The following KHSRP variants were observed in gnomAD, a reference collection of about 807,000 sequenced individuals.
KHSRP encodes the protein KH-type splicing regulatory protein.
Under a neutral mutation model 94.9 loss-of-function variants are expected in KHSRP, and 13 were observed. That is an observed-to-expected ratio of 0.14 (90% CI 0.09 to 0.22). The LOEUF is 0.22. Among genes scored for constraint, KHSRP ranks in the 10% least tolerant of loss-of-function variants. The pLI is 1.00. For synonymous variants in KHSRP, 495 were observed against 401.4 expected, an observed-to-expected ratio of 1.23 and a Z score of -2.79; for missense variants, 710 against 1,010.0, an observed-to-expected ratio of 0.70 and a Z score of 4.03.
rs1337472129 is a variant in KHSRP, at chr19:6,415,051, G to A, written c.2217C>T (p.Asn739=). The A allele has an allele frequency of 6.4e-7, 1 of 1,550,534 alleles. No homozygotes were observed. Among genetic ancestry groups the A allele is most frequent in the Non-Finnish European group, 8.6e-7 (1 of 1,157,174 alleles). ...VHPALVGSAG[N]PFPCGVCP is the part of the protein sequence containing the mutation. Reference sequence around the variant, plus strand: ...AAGGGCACACCCCGCAGGGGAAGGGGTTTCCGGCGCTACCCACTAAGGCAG... The same window carrying A: ...AAGGGCACACCCCGCAGGGGAAGGGATTTCCGGCGCTACCCACTAAGGCAG... Residue 739 remains asparagine, a synonymous_variant, in exon 19 of 19, where the codon AAC becomes AAT. Coordinates refer to ENST00000600480, the MANE Select transcript of KHSRP (RefSeq NM_001366299.1).
intron 4 of KHSRP, chr19:6,420,973 T>G: frequency 2.3e-6 from 1 of 441,992 alleles, no homozygotes; most frequent in Non-Finnish European, 4.1e-6. Context: ...TCCTAGCCTC[T>G]TCCAGGAAGA....
At chr19:6,417,131 G>A (rs780749158) in intron 11 of KHSRP, 44 bp from the exon 12 acceptor site, 7 of 1,511,354 alleles carry the variant, frequency 4.6e-6, no homozygotes, top group South Asian at 1.2e-5. Flanking sequence ...TTTAAAAGAA[G>A]AGCCCACCCC....
At position 6,414,721 on chromosome 19, in the gene KHSRP, A is replaced by G. The variant is rs1040101056; in HGVS notation, c.*303T>C. The G allele has an allele frequency of 2.2e-5, 23 of 1,040,922 alleles. No homozygotes were observed. The highest frequency in any genetic ancestry group is 4.6e-4 in the Middle Eastern group (1 of 2,194). The allele number at this position is 1,040,922 out of a possible 1,614,324, so 64.5% of individuals were successfully genotyped here. Reference sequence around the variant, plus strand: ...AGAATAAAAAGAACAAAAACCAAAAAAGTGATGCAGAGAAGGGGAAAAAAT... The same window carrying G: ...AGAATAAAAAGAACAAAAACCAAAAGAGTGATGCAGAGAAGGGGAAAAAAT... On this transcript the variant is annotated 3_prime_UTR_variant, in exon 19 of 19. Transcript: ENST00000600480.
intron 11 of KHSRP, 42 bp downstream of exon 11, chr19:6,417,697 T>C: frequency 6.5e-7 from 1 of 1,542,328 alleles, no homozygotes; most frequent in Non-Finnish European, 8.9e-7. Context: ...CCAAAGAGGG[T>C]GGGGGTGCAC....
In KHSRP at chr19:6,415,663, G is replaced by A. The variant is rs887614088; in HGVS notation, c.1759C>T (p.Pro587Ser). Residue 587 changes from proline to serine, a missense_variant, in exon 17 of 19, where the codon CCC (proline) becomes TCC (serine). This residue lies in a region of KHSRP where 292 missense variants were observed against 340.5 expected (regional missense o/e 0.86). Transcript: ENST00000600480. Reference sequence around the variant, plus strand: ...GCGGGGCCGGGGACGGGGCCCGGGGGCTGCTGGTAGTAGTGTGAGTAGTAG... The same window carrying A: ...GCGGGGCCGGGGACGGGGCCCGGGGACTGCTGGTAGTAGTGTGAGTAGTAG... ...AAYYSHYYQQ[P>S]PGPVPGPAPA... 2 of 1,542,926 alleles carry A rather than the reference G, an allele frequency of 1.3e-6. No homozygotes were observed. Among genetic ancestry groups the A allele is most frequent in the African/African-American group, 1.4e-5 (1 of 72,958 alleles).
At position 6,419,217 on chromosome 19, in the gene KHSRP, G is replaced by T; in HGVS notation, c.591C>A (p.Ala197=). 1 of 1,584,270 alleles carries T rather than the reference G, an allele frequency of 6.3e-7. No homozygotes were observed. Among genetic ancestry groups the T allele is most frequent in the East Asian group, 2.3e-5 (1 of 43,314 alleles). The part of the protein sequence containing the change: ...LPERSVSLTG[A]PESVQKAKMM... ...TGGGGACTTACTGGACAGATTCTGG[G>T]GCTCCTGTCAAGGACACACTGCGCT... Residue 197 remains alanine, a synonymous_variant, in exon 7 of 19, where the codon GCC becomes GCA. Coordinates refer to ENST00000600480, the MANE Select transcript of KHSRP (RefSeq NM_001366299.1).
rs775047224 is a variant in KHSRP, at chr19:6,414,935, T to C, written c.*89A>G. On this transcript the variant is annotated 3_prime_UTR_variant, in exon 19 of 19. Transcript: ENST00000600480. Reference sequence around the variant, plus strand: ...AAGCAGCCGGCGCAGGGAGGCCTCTTCGTTTAACCTCTGGACCCAGCGAAT... The same window carrying C: ...AAGCAGCCGGCGCAGGGAGGCCTCTCCGTTTAACCTCTGGACCCAGCGAAT... 2.1e-6 allele frequency: 3 copies of C among 1,408,222 alleles called. No homozygotes were observed. The highest frequency in any genetic ancestry group is 2.8e-6 in the Non-Finnish European group (3 of 1,087,142). 87.2% of individuals were successfully genotyped at this position (1,408,222 alleles called of 1,614,324 possible). A position where few individuals can be genotyped will look rare whatever the true frequency, so the allele number is the denominator to read the frequency against.
At chr19:6,419,073 T>C (rs1295247660) in intron 7 of KHSRP, 130 bp downstream of exon 7, 4 of 1,135,652 alleles carry the variant, frequency 3.5e-6, no homozygotes, top group Admixed American at 4.9e-5. Flanking sequence ...CATGTTAACA[T>C]GGCTGTCTGG....
In KHSRP at chr19:6,415,903, G is replaced by A. The variant is rs1001626403; in HGVS notation, c.1599-7C>T. 1.3e-6 allele frequency: 2 copies of A among 1,494,082 alleles called. No individual in the cohort carries two copies. Among genetic ancestry groups the A allele is most frequent in the South Asian group, 1.3e-5 (1 of 74,384 alleles). The allele number at this position is 1,494,082 out of a possible 1,614,324, so 92.6% of individuals were successfully genotyped here. ...AGGAGGGGGCCCCCCGGCACTGCAG[G>A]AGAGAAGAAAGGGATGCTTGAGCAG... On this transcript the variant is annotated splice_polypyrimidine_tract_variant and splice_region_variant and intron_variant, in intron 15 of 18. Transcript: ENST00000600480.
At chr19:6,422,255 C>A (rs935034968) in intron 2 of KHSRP, 85 bp downstream of exon 2, 2 of 841,712 alleles carry the variant, frequency 2.4e-6, no homozygotes, top group Non-Finnish European at 2.0e-6. Context: ...GTGACACCCA[C>A]CCCCTCTGAA....
rs1166766339 is a variant in KHSRP, at chr19:6,418,528, A to G, written c.834T>C (p.Asn278=). The change falls in exon 9 of 19, where the codon AAT becomes AAC. Residue 278 remains asparagine, a synonymous_variant. Coordinates refer to ENST00000600480, the MANE Select transcript of KHSRP (RefSeq NM_001366299.1). This position sits in a 1 kb window ranked among gnomAD's most constrained non-coding sequence, Gnocchi z 4.3. ...ILIQDGSQNT[N]VDKPLRIIGD... is the part of the protein sequence containing the mutation. ...CAATGATGCGGAGAGGTTTGTCCACATTCGTATTCTGAGATCCGTCCTGAA... is the reference window on the plus strand; with the variant it reads ...CAATGATGCGGAGAGGTTTGTCCACGTTCGTATTCTGAGATCCGTCCTGAA... 1.9e-6 allele frequency: 3 copies of G among 1,613,834 alleles called. No individual in the cohort carries two copies. Among genetic ancestry groups the G allele is most frequent in the African/African-American group, 2.7e-5 (2 of 74,910 alleles).
rs1323836622 is a variant in KHSRP, at chr19:6,413,142, AAAG to A, written c.*1879_*1881del. On this transcript the variant is annotated 3_prime_UTR_variant, in exon 19 of 19. Transcript: ENST00000600480. ...AAGCACTTTATTTAACAAAAAAAAA[AAAG>A]GGGGGGGGGCACGGTTAGGAAAGCA... Among the ~76,000 whole-genome samples the A allele has an allele frequency of 7.2e-3, 924 of 128,786 alleles. 14 individuals carry two copies. The highest frequency in any genetic ancestry group is 0.023 in the African/African-American group (849 of 37,038). 84.5% of individuals were successfully genotyped at this position (128,786 alleles called of 152,430 possible). A position where few individuals can be genotyped will look rare whatever the true frequency, so the allele number is the denominator to read the frequency against.
intron 1 of KHSRP, 125 bp downstream of exon 1, chr19:6,424,328 A>C (rs1233494670): frequency 1.5e-5 from 4 of 271,604 alleles, no homozygotes; most frequent in Non-Finnish European, 2.2e-5. Flanking sequence ...CCTACCGCCC[A>C]CGTGACCCCG....
chr19:6,415,346 C>T, intron 18 of KHSRP, 34 bp downstream of exon 18: 1 of 1,612,448 alleles, frequency 6.2e-7, no homozygotes, highest in Non-Finnish European at 8.5e-7. Flanking sequence ...GTGAGGGCTG[C>T]CCCTGCCCCT....
chr19:6,417,925 C>A (rs769441586), intron 10 of KHSRP, 56 bp downstream of exon 10: 4 of 1,600,678 alleles, frequency 2.5e-6, no homozygotes, highest in Non-Finnish European at 3.4e-6. Flanking sequence ...CCACTCACCC[C>A]GGCCCCTCCC....
rs2092193476 is a variant in KHSRP at position 6,421,280 on chromosome 19, TGGG to T, written c.420_422del (p.Pro141del). 1.3e-6 allele frequency: 2 copies of T among 1,587,684 alleles called. No individual in the cohort carries two copies. The highest frequency in any genetic ancestry group is 1.7e-6 in the Non-Finnish European group (2 of 1,167,400). On this transcript the variant is annotated inframe_deletion, in exon 4 of 19. Transcript: ENST00000600480. The stretch of plus-strand genomic sequence containing the variant: ...GTGTGGGCCCCACCATGGCTTACCT[TGGG>T]GGAGGATGGATGGGTCCAAGTTGAG...
chr19:6,416,139 A>G (rs1331450800), intron 15 of KHSRP, among the ~76,000 whole-genome samples, 159 bp downstream of exon 15: 1 of 152,158 alleles, frequency 6.6e-6, no homozygotes, highest in African/African-American at 2.4e-5. Flanking sequence ...CACATGCTCT[A>G]CCAGTAGACA....
At chr19:6,421,489 A>C (rs1005541182) in intron 3 of KHSRP, 161 bp downstream of exon 3, 4 of 1,012,740 alleles carry the variant, frequency 3.9e-6, no homozygotes, top group Non-Finnish European at 6.0e-6. Flanking sequence ...CATCTCCCTC[A>C]ATTTCAGGGT....
In KHSRP at chr19:6,416,377, C is replaced by G; in HGVS notation, c.1519G>C (p.Gly507Arg). The G allele has an allele frequency of 6.2e-7, 1 of 1,612,720 alleles. No homozygotes were observed. The highest frequency in any genetic ancestry group is 8.5e-7 in the Non-Finnish European group (1 of 1,179,512). ...ATTGGGCCAGCAGGGCCTGGGCCACCTGGGCCTGGTCCAACTGGGCAGAGA... is the reference window on the plus strand; with the variant it reads ...ATTGGGCCAGCAGGGCCTGGGCCACGTGGGCCTGGTCCAACTGGGCAGAGA... ...GPLCPVGPGP[G>R]GPGPAGPMGP... is the part of the protein sequence containing the mutation. Residue 507 changes from glycine to arginine, a missense_variant, in exon 15 of 19, where the codon GGT becomes CGT. Transcript: ENST00000600480.
Sources: allele counts gnomAD v4.1 joint callset (sites outside exome capture counted in the v4.1 genomes callset), GRCh38; gene constraint gnomAD v4.1.1; regional missense constraint gnomAD v4.1.1; non-coding constraint Gnocchi (gnomAD v3.1); transcripts MANE v1.5; gene names NCBI Gene and HGNC (gene_info 2026-07-23, HGNC 2026-07-21).